The following SMG6 variants were observed in gnomAD, a reference collection of about 807,000 sequenced individuals.
SMG6 encodes SMG6 nonsense mediated mRNA decay factor.
SMG6 carries 66 observed loss-of-function variants against 142.2 expected under a neutral mutation model. The observed-to-expected ratio is 0.46, with a 90% CI of 0.38 to 0.57. The LOEUF (loss-of-function observed/expected upper bound fraction) is 0.57, where lower values mean the gene tolerates loss of function less well. Among genes scored for constraint, SMG6 ranks in the 20% least tolerant of loss-of-function variants. The pLI is 0.00. For synonymous variants in SMG6, 779 were observed against 702.4 expected (o/e 1.11, Z -1.72); for missense variants, 1,793 against 1,832.0 (o/e 0.98, Z 0.39).
intron 13 of SMG6, among the ~76,000 whole-genome samples, chr17:2,139,036 G>A (rs1322676785): frequency 6.6e-6 from 1 of 152,144 alleles, no homozygotes; most frequent in Non-Finnish European, 1.5e-5. Flanking sequence ...ATGACATCTG[G>A]CTCAAGGCCA....
At chr17:2,123,355 T>C (rs548566161) in intron 13 of SMG6, among the ~76,000 whole-genome samples, 10 of 152,198 alleles carry the variant, frequency 6.6e-5, no homozygotes, top group East Asian at 1.9e-4. Flanking sequence ...CTAAGAGCCA[T>C]ATGGCTTAAA....
In SMG6 at chr17:2,270,815, G is replaced by A. The variant is rs149388005; in HGVS notation, c.2661+11832C>T. Among the ~76,000 whole-genome samples, 999 of 152,326 alleles carry A rather than the reference G, an allele frequency of 6.6e-3. 10 individuals are homozygous for A. The highest frequency in any genetic ancestry group is 0.023 in the African/African-American group (942 of 41,564). On this transcript the variant is annotated intron_variant, in intron 8 of 18. Transcript: ENST00000263073. ...AAATTAATGCCCCATTCCCCAAGGT[G>A]TCACTAGTTCAAGATGCTTCCTTAC...
chr17:2,174,175 G>A (rs2071591145), intron 12 of SMG6, among the ~76,000 whole-genome samples: 1 of 152,108 alleles, frequency 6.6e-6, no homozygotes, highest in South Asian at 2.1e-4. Flanking sequence ...GAGAAGGGAG[G>A]ATCACTTGAG....
intron 13 of SMG6, among the ~76,000 whole-genome samples, chr17:2,114,954 A>AAT (rs5818847): frequency 0.49 from 36,622 of 75,090 alleles, 10,168 homozygotes; most frequent in Non-Finnish European, 0.54. Context: ...AATAAAATAA[A>AAT]AAAATGAAAT....
At chr17:2,181,866 G>A (rs2071816699) in intron 12 of SMG6, among the ~76,000 whole-genome samples, 1 of 152,252 alleles carries the variant, frequency 6.6e-6, no homozygotes, top group African/African-American at 2.4e-5. Context: ...AGCACTTCCT[G>A]TGTGAGCTTT....
At chr17:2,116,007 A>C (rs2069494243) in intron 13 of SMG6, among the ~76,000 whole-genome samples, 1 of 152,198 alleles carries the variant, frequency 6.6e-6, no homozygotes, top group Admixed American at 6.5e-5. Context: ...GTGCCTGGCC[A>C]CATTTCTTAA....
At chr17:2,273,290 CG>C (rs1567736866) in intron 8 of SMG6, among the ~76,000 whole-genome samples, 2 of 152,060 alleles carry the variant, frequency 1.3e-5, no homozygotes, top group African/African-American at 4.8e-5. Flanking sequence ...CTGAGGTGGG[CG>C]GATCACTTAA....
At chr17:2,250,372 T>A (rs569293262) in intron 8 of SMG6, among the ~76,000 whole-genome samples, 1 of 151,832 alleles carries the variant, frequency 6.6e-6, no homozygotes, top group Admixed American at 6.6e-5. Flanking sequence ...CTGTATGGAA[T>A]GTCTCTATTT....
intron 13 of SMG6, among the ~76,000 whole-genome samples, chr17:2,126,929 T>G (rs1265078568): frequency 6.7e-6 from 1 of 148,258 alleles, no homozygotes; most frequent in African/African-American, 2.5e-5. Flanking sequence ...CAAACATACA[T>G]GCACACATGC....
At chr17:2,268,445 G>A (rs191896811) in intron 8 of SMG6, among the ~76,000 whole-genome samples, 13 of 152,260 alleles carry the variant, frequency 8.5e-5, no homozygotes, top group East Asian at 3.9e-4. Flanking sequence ...CACAAACTAC[G>A]CAAGGGGCAC....
chr17:2,301,100 G>T (rs2075268805), intron 1 of SMG6, among the ~76,000 whole-genome samples: 1 of 152,100 alleles, frequency 6.6e-6, no homozygotes, highest in African/African-American at 2.4e-5. Context: ...TTTTTCCTGG[G>T]TGGCTAAGTT....
Position 2,245,762 on chromosome 17 carries a change from C to T in SMG6, c.2662-1043G>A, listed in dbSNP as rs527643755. ...GTGGTGTGATCACAGCTCACTGCAA[C>T]CTCAACCTCCTGGGCTCAAGTGATC... On this transcript the variant is annotated intron_variant, in intron 8 of 18. Coordinates refer to ENST00000263073, the MANE Select transcript of SMG6 (RefSeq NM_017575.5). Among the ~76,000 whole-genome samples the T allele has an allele frequency of 1.5e-3, 221 of 152,312 alleles. 1 individual carries two copies. Among genetic ancestry groups the T allele is most frequent in the Middle Eastern group, 0.014 (4 of 294 alleles).
chr17:2,211,791 C>T (rs1048179671), intron 10 of SMG6, among the ~76,000 whole-genome samples: 1 of 152,120 alleles, frequency 6.6e-6, no homozygotes, highest in Non-Finnish European at 1.5e-5. Flanking sequence ...CCCAACACGG[C>T]TATGCCATAT....
intron 10 of SMG6, among the ~76,000 whole-genome samples, chr17:2,218,097 G>A (rs943554526): frequency 2.0e-5 from 3 of 151,796 alleles, no homozygotes; most frequent in Non-Finnish European, 4.4e-5. Context: ...TAAATGTCTG[G>A]CTGAGTATGG....
chr17:2,061,481 G>C lies in SMG6; in HGVS notation c.*11C>G, dbSNP rs1384145254. 12 of 1,554,488 alleles carry C rather than the reference G, an allele frequency of 7.7e-6. No homozygotes were observed. Among genetic ancestry groups the C allele is most frequent in the Non-Finnish European group, 8.7e-6 (10 of 1,151,234 alleles). ...ACGGTTCCACGGGGGGGGGGCCCCA[G>C]TGTGGCTCCCTCAGCCCACCTGGGC... On this transcript the variant is annotated 3_prime_UTR_variant, in exon 19 of 19. Coordinates refer to ENST00000263073, the MANE Select transcript of SMG6 (RefSeq NM_017575.5).
At chr17:2,063,544 G>A (rs1173943561) in intron 18 of SMG6, among the ~76,000 whole-genome samples, 1 of 152,204 alleles carries the variant, frequency 6.6e-6, no homozygotes, top group Non-Finnish European at 1.5e-5. Flanking sequence ...AAATGTGTCC[G>A]TTCTGAGAAA....
chr17:2,104,338 C>T (rs774426793), intron 13 of SMG6, among the ~76,000 whole-genome samples: 3 of 152,126 alleles, frequency 2.0e-5, no homozygotes, highest in Non-Finnish European at 2.9e-5. Context: ...TCAAGGGTTC[C>T]GTCTGCCTCA....
At chr17:2,215,658 G>C (rs2072994521) in intron 10 of SMG6, 1 of 151,998 alleles carries the variant, frequency 6.6e-6, no homozygotes. Flanking sequence ...CACAGTACTT[G>C]TGTGTGTGGG....
At chr17:2,295,261 G>C (rs117904345) in intron 4 of SMG6, among the ~76,000 whole-genome samples, 3,819 of 152,192 alleles carry the variant, frequency 0.025, 79 homozygotes, top group South Asian at 0.073. Flanking sequence ...CATAAATCAC[G>C]CTGCTCTCCC....
Sources: allele counts gnomAD v4.1 joint callset (sites outside exome capture counted in the v4.1 genomes callset), GRCh38; gene constraint gnomAD v4.1.1; transcripts MANE v1.5; gene names NCBI Gene and HGNC (gene_info 2026-07-23, HGNC 2026-07-21).